CACNA2D3: variants seen among roughly 807,000 people sequenced by gnomAD.
The protein encoded by CACNA2D3 is calcium voltage-gated channel auxiliary subunit alpha2delta 3.
CACNA2D3 carries 60 observed loss-of-function variants against 160.6 expected under a neutral mutation model. That is an observed-to-expected ratio of 0.37 (90% CI 0.30 to 0.46). The LOEUF (loss-of-function observed/expected upper bound fraction) is 0.46. Ranked by LOEUF, CACNA2D3 falls within the 20% of genes least tolerant of loss-of-function variation. CACNA2D3 has a pLI of 1.00. For synonymous variants in CACNA2D3, 558 were observed against 492.9 expected, an observed-to-expected ratio of 1.13 and a Z score of -1.75; for missense variants, 1,205 against 1,365.0, an observed-to-expected ratio of 0.88 and a Z score of 1.85.
chr3:54,799,984 T>G (rs1243907085), intron 13 of CACNA2D3, among the ~76,000 whole-genome samples: 1 of 152,212 alleles, frequency 6.6e-6, no homozygotes, highest in Non-Finnish European at 1.5e-5. Flanking sequence ...GCTCACAATC[T>G]CAGAGGAATT....
chr3:54,678,936 T>C (rs1051169177), intron 11 of CACNA2D3, among the ~76,000 whole-genome samples: 4 of 152,164 alleles, frequency 2.6e-5, no homozygotes, highest in African/African-American at 9.6e-5. Flanking sequence ...TTGTTTTCTA[T>C]AATGCAAGAT....
intron 8 of CACNA2D3, 61 bp downstream of exon 8, chr3:54,570,165 T>G: frequency 1.3e-6 from 2 of 1,501,698 alleles, no homozygotes; most frequent in Non-Finnish European, 1.8e-6. Flanking sequence ...TGGTAGTGAC[T>G]GGTTAACATT....
intron 9 of CACNA2D3, among the ~76,000 whole-genome samples, chr3:54,601,328 C>G (rs1292874588): frequency 1.3e-5 from 2 of 152,184 alleles, no homozygotes; most frequent in East Asian, 3.9e-4. Flanking sequence ...CTCAGTCAGT[C>G]TCCTGAGTAG....
chr3:54,138,493 G>A (rs1304523323), intron 2 of CACNA2D3, among the ~76,000 whole-genome samples: 1 of 152,176 alleles, frequency 6.6e-6, no homozygotes, highest in Non-Finnish European at 1.5e-5. Context: ...CCTCCTTAAA[G>A]CACCCACTGC....
chr3:54,426,012 A>G (rs1699907310), intron 4 of CACNA2D3, among the ~76,000 whole-genome samples: 2 of 152,134 alleles, frequency 1.3e-5, no homozygotes, highest in Admixed American at 6.5e-5. Context: ...GAAATTGGTT[A>G]GTTTAGATAA....
chr3:54,617,638 T>G (rs1698883136), intron 9 of CACNA2D3, among the ~76,000 whole-genome samples: 1 of 152,216 alleles, frequency 6.6e-6, no homozygotes, highest in South Asian at 2.1e-4. Flanking sequence ...AGAATACATT[T>G]TTATTATATT....
At chr3:54,311,183 A>T (rs1007981523) in intron 2 of CACNA2D3, among the ~76,000 whole-genome samples, 2 of 152,178 alleles carry the variant, frequency 1.3e-5, no homozygotes, top group Non-Finnish European at 2.9e-5. Flanking sequence ...CTTCACTAGG[A>T]GTAAGCTGAG....
intron 17 of CACNA2D3, among the ~76,000 whole-genome samples, chr3:54,859,972 G>GCGCGCGCGCGCACA (rs535185040): frequency 1.5e-5 from 2 of 133,788 alleles, no homozygotes; most frequent in African/African-American, 5.6e-5. Context: ...GAAAGTAGAT[G>GCGCGCGCGCGCACA]CACACACACA....
intron 5 of CACNA2D3, among the ~76,000 whole-genome samples, chr3:54,552,809 C>T (rs1463357388): frequency 1.3e-5 from 2 of 152,128 alleles, no homozygotes; most frequent in Non-Finnish European, 2.9e-5. Context: ...ATGCAAGTCT[C>T]TCCACAAAAT....
At chr3:54,919,436 C>T (rs75602851) in intron 27 of CACNA2D3, among the ~76,000 whole-genome samples, 2,054 of 152,320 alleles carry the variant, frequency 0.013, 44 homozygotes, top group African/African-American at 0.046. Context: ...GTGGATTTGA[C>T]AATACTGGAA....
At chr3:54,243,563 G>A (rs553319684) in intron 2 of CACNA2D3, among the ~76,000 whole-genome samples, 1 of 152,246 alleles carries the variant, frequency 6.6e-6, no homozygotes, top group East Asian at 1.9e-4. Context: ...CATTCCTGAG[G>A]CCACTGAAGC....
intron 2 of CACNA2D3, among the ~76,000 whole-genome samples, chr3:54,223,798 G>C (rs1034059465): frequency 1.3e-5 from 2 of 149,032 alleles, no homozygotes; most frequent in African/African-American, 2.5e-5. Context: ...GTTGCAGTGA[G>C]CCGAGATCGC....
intron 2 of CACNA2D3, among the ~76,000 whole-genome samples, chr3:54,170,495 C>G (rs1475263691): frequency 6.6e-6 from 1 of 152,194 alleles, no homozygotes. Flanking sequence ...CTCGGAAGCA[C>G]AGTTTGGAAT....
At chr3:54,953,474 C>T (rs1227630391) in intron 27 of CACNA2D3, among the ~76,000 whole-genome samples, 10 of 152,188 alleles carry the variant, frequency 6.6e-5, no homozygotes, top group African/African-American at 2.4e-4. Context: ...TCATGGGACG[C>T]AGCTGAAGCC....
At chr3:54,733,848 G>T (rs78203283) in intron 11 of CACNA2D3, among the ~76,000 whole-genome samples, 1 of 152,176 alleles carries the variant, frequency 6.6e-6, no homozygotes, top group African/African-American at 2.4e-5. Context: ...GATAAAGGAA[G>T]ATGATGTCGA....
intron 5 of CACNA2D3, among the ~76,000 whole-genome samples, chr3:54,517,437 T>A (rs1341721111): frequency 1.3e-5 from 2 of 152,116 alleles, no homozygotes; most frequent in Admixed American, 1.3e-4. Flanking sequence ...ACGATGTGTG[T>A]GATTGGTAAA....
At chr3:54,708,931 A>T in intron 11 of CACNA2D3, among the ~76,000 whole-genome samples, 1 of 151,338 alleles carries the variant, frequency 6.6e-6, no homozygotes, top group East Asian at 1.9e-4. Context: ...TTCTGGTATG[A>T]TAAGGTGAGG....
rs3060362 is a variant in CACNA2D3 at position 54,141,086 on chromosome 3, TGCGC to T, written c.204+17502_204+17505del. 7.4e-3 allele frequency among the ~76,000 whole-genome samples: 890 copies of T among 119,838 alleles called. 8 individuals are homozygous for T. Among genetic ancestry groups the T allele is most frequent in the African/African-American group, 0.025 (786 of 31,106 alleles). The allele number at this position is 119,838 out of a possible 152,430, so 78.6% of individuals were successfully genotyped here. ...CTGTGTGTGTGTGTGTGTGTGTGTG[TGCGC>T]GCGCGCGCGTGTGTGCATGCATGCC... On this transcript the variant is annotated intron_variant, in intron 2 of 37. Transcript: ENST00000474759.
At chr3:54,442,813 C>G (rs1249157129) in intron 4 of CACNA2D3, among the ~76,000 whole-genome samples, 1 of 152,134 alleles carries the variant, frequency 6.6e-6, no homozygotes, top group Non-Finnish European at 1.5e-5. Flanking sequence ...AGCACTCAGC[C>G]AGGTCTTCTG....
Sources: gnomAD v4.1 joint callset for allele counts (sites outside exome capture counted in the v4.1 genomes callset) on GRCh38, gnomAD v4.1.1 for gene constraint, MANE v1.5 for transcripts, NCBI Gene and HGNC (gene_info 2026-07-23, HGNC 2026-07-21) for gene names.